Variants in CBY1 observed in about 807,000 individuals in gnomAD.
CBY1 encodes the protein chibby 1, beta catenin antagonist.
A neutral mutation model predicts 15.6 loss-of-function variants in CBY1; 10 were observed. The observed-to-expected ratio is 0.64, with a 90% confidence interval of 0.40 to 1.09. The LOEUF (loss-of-function observed/expected upper bound fraction) is 1.09. Ranked by LOEUF, CBY1 falls within the 50% of genes least tolerant of loss-of-function variation. The pLI, the probability that CBY1 is intolerant of heterozygous loss-of-function variation, is 0.01. For synonymous variants in CBY1, 61 were observed against 63.5 expected, an observed-to-expected ratio of 0.96 and a Z score of 0.19; for missense variants, 150 against 160.5, an observed-to-expected ratio of 0.93 and a Z score of 0.35.
intron 2 of CBY1, 39 bp from the exon 3 acceptor site, chr22:38,670,845 C>T (rs368610849): frequency 1.9e-5 from 27 of 1,415,534 alleles, no homozygotes; most frequent in East Asian, 4.6e-5. Flanking sequence ...AGGCGTGTTC[C>T]GGGCCTGCTG....
In CBY1 at chr22:38,671,056, T is replaced by C. The variant is rs995317265; in HGVS notation, c.185-14T>C. The C allele has an allele frequency of 3.1e-6, 5 of 1,613,562 alleles. No individual in the cohort carries two copies. Among genetic ancestry groups the C allele is most frequent in the Admixed American group, 1.7e-5 (1 of 60,010 alleles). ...GAGGAAATCCCCCTTTAACTGGTTC[T>C]GTCCTTCCTCCAGAGACAGGGGTTA... is the stretch of plus-strand genomic sequence containing the variant. On this transcript the variant is annotated splice_polypyrimidine_tract_variant and intron_variant, in intron 3 of 4. Transcript: ENST00000216029.
chr22:38,670,647 T>C, intron 2 of CBY1: 2 of 443,732 alleles, frequency 4.5e-6, no homozygotes, highest in Non-Finnish European at 8.1e-6. Context: ...AATTTATAAA[T>C]TTCAGTATAT....
intron 1 of CBY1, among the ~76,000 whole-genome samples, chr22:38,667,112 G>A (rs2092438854): frequency 6.6e-6 from 1 of 151,914 alleles, no homozygotes; most frequent in South Asian, 2.1e-4. Flanking sequence ...ATAGGTTCAA[G>A]TGATCCTCCC....
intron 4 of CBY1, among the ~76,000 whole-genome samples, chr22:38,672,763 A>G (rs2092456928): frequency 6.6e-6 from 1 of 152,174 alleles, no homozygotes; most frequent in Non-Finnish European, 1.5e-5. Context: ...AACCCTAAGG[A>G]GGAAAGTGGC....
chr22:38,661,474 G>A (rs1303054445), intron 1 of CBY1, among the ~76,000 whole-genome samples: 1 of 152,094 alleles, frequency 6.6e-6, no homozygotes, highest in Non-Finnish European at 1.5e-5. Flanking sequence ...CTGTATGATT[G>A]TTTTTAATTC....
At chr22:38,659,627 C>T (rs1191051024) in intron 1 of CBY1, among the ~76,000 whole-genome samples, 2 of 151,952 alleles carry the variant, frequency 1.3e-5, no homozygotes, top group Non-Finnish European at 2.9e-5. Flanking sequence ...CTTTGGGAGG[C>T]CAAGGCGGGC....
intron 1 of CBY1, among the ~76,000 whole-genome samples, chr22:38,664,333 A>G (rs2092430288): frequency 6.6e-6 from 1 of 151,412 alleles, no homozygotes; most frequent in South Asian, 2.1e-4. Flanking sequence ...TTAGCTGGGC[A>G]TGGTGGTGTG....
At chr22:38,666,351 A>AT (rs2092435955) in intron 1 of CBY1, among the ~76,000 whole-genome samples, 1 of 151,954 alleles carries the variant, frequency 6.6e-6, no homozygotes, top group African/African-American at 2.4e-5. Flanking sequence ...AAGTGCTAGG[A>AT]TTACAGGTGT....
intron 1 of CBY1, 113 bp downstream of exon 1, chr22:38,656,863 G>A (rs1361444679): frequency 6.6e-6 from 1 of 152,192 alleles, no homozygotes; most frequent in Non-Finnish European, 1.5e-5. Context: ...AGGGCCTGGG[G>A]AAGGGGACGG....
At position 38,673,270 on chromosome 22, in the gene CBY1, T is replaced by G. The variant is rs781745877; in HGVS notation, c.*34T>G. 3 of 1,450,496 alleles carry G rather than the reference T, an allele frequency of 2.1e-6. No homozygotes were observed. The highest frequency in any genetic ancestry group is 9.7e-7 in the Non-Finnish European group (1 of 1,031,884). The allele number at this position is 1,450,496 out of a possible 1,614,324, so 89.9% of individuals were successfully genotyped here. A position where few individuals can be genotyped will look rare whatever the true frequency, so the allele number is the denominator to read the frequency against. ...GAGACATTTATTGGGGAGTAGGATG[T>G]GGCTGAGTGCTTTTTTTTTGGCCAG... On this transcript the variant is annotated 3_prime_UTR_variant, in exon 5 of 5. Transcript: ENST00000216029.
chr22:38,660,495 G>A (rs935993033), intron 1 of CBY1, among the ~76,000 whole-genome samples: 8 of 151,772 alleles, frequency 5.3e-5, no homozygotes, highest in South Asian at 2.1e-4. Context: ...ACACCAGGCC[G>A]AAAATGCATC....
chr22:38,660,667 GCCAAC>G (rs2092419853), intron 1 of CBY1, among the ~76,000 whole-genome samples: 1 of 151,788 alleles, frequency 6.6e-6, no homozygotes, highest in Non-Finnish European at 1.5e-5. Context: ...TACACCTTCA[GCCAAC>G]TGATCATGGC....
rs755626139 is a variant in CBY1, at chr22:38,668,143, G to A, written c.78+11G>A. ...TCCAACCTGCATTCTGTGAGTGTCGGTACTGGGGTCGGCCGGGTGTGCAGC... is the reference window on the plus strand; with the variant it reads ...TCCAACCTGCATTCTGTGAGTGTCGATACTGGGGTCGGCCGGGTGTGCAGC... On this transcript the variant is annotated intron_variant, in intron 2 of 4. Transcript: ENST00000216029. The A allele has an allele frequency of 1.8e-5, 28 of 1,540,508 alleles. No homozygotes were observed. The South Asian group carries it at 2.7e-4, about 15-fold the overall frequency.
intron 2 of CBY1, chr22:38,668,405 C>G (rs2092443276): frequency 3.2e-6 from 1 of 308,428 alleles, no homozygotes; most frequent in African/African-American, 2.2e-5. Context: ...AGTCTCACTC[C>G]CGTCCCACAG....
At chr22:38,672,666 GAGTT>G (rs780254240) in intron 4 of CBY1, among the ~76,000 whole-genome samples, 3 of 152,112 alleles carry the variant, frequency 2.0e-5, no homozygotes, top group Admixed American at 6.5e-5. Flanking sequence ...ACCTCATAGT[GAGTT>G]AGTACAAGAA....
At chr22:38,659,084 C>T (rs542512365) in intron 1 of CBY1, among the ~76,000 whole-genome samples, 9 of 151,882 alleles carry the variant, frequency 5.9e-5, no homozygotes, top group South Asian at 2.1e-4. Context: ...TACAGGCGCA[C>T]GCCAACATAC....
intron 1 of CBY1, among the ~76,000 whole-genome samples, chr22:38,659,754 C>G (rs890501019): frequency 3.4e-5 from 5 of 148,796 alleles, no homozygotes; most frequent in Non-Finnish European, 7.4e-5. Context: ...CCCAGCTACT[C>G]GGGAGGCTGA....
rs2092458980 is a variant in CBY1, at chr22:38,673,470, A to G, written c.*234A>G. 2.3e-6 allele frequency: 1 copy of G among 440,422 alleles called. No individual in the cohort carries two copies. Among genetic ancestry groups the G allele is most frequent in the Non-Finnish European group, 4.3e-6 (1 of 235,050 alleles). 27.3% of individuals were successfully genotyped at this position (440,422 alleles called of 1,614,324 possible). A position where few individuals can be genotyped will look rare whatever the true frequency, so the allele number is the denominator to read the frequency against. On this transcript the variant is annotated 3_prime_UTR_variant, in exon 5 of 5. Coordinates refer to ENST00000216029, the MANE Select transcript of CBY1 (RefSeq NM_015373.4). ...CTGCGGGTGCCAGTCTGAAAACCAG[A>G]CCGCACAGAGGCCTGGGGCTGCTGA...
intron 1 of CBY1, chr22:38,667,787 G>A (rs2092441270): frequency 2.2e-6 from 1 of 452,488 alleles, no homozygotes; most frequent in Non-Finnish European, 4.0e-6. Flanking sequence ...CCTACTCCAT[G>A]ACAATGGCAT....
Sources: gnomAD v4.1 joint callset for allele counts (sites outside exome capture counted in the v4.1 genomes callset) on GRCh38, gnomAD v4.1.1 for gene constraint, MANE v1.5 for transcripts, NCBI Gene and HGNC (gene_info 2026-07-23, HGNC 2026-07-21) for gene names.